Variants in CRIPTO observed in about 807,000 individuals in gnomAD.
CRIPTO encodes the protein cripto, EGF-CFC family member.
chr3:46,581,454 C>T, the CRIPTO span: 3 of 613,664 alleles, frequency 4.9e-6, no homozygotes, highest in Admixed American at 8.5e-5. Context: ...CAAAAAACTA[C>T]TTCTTTTTTC....
the CRIPTO span, chr3:46,579,879 C>A: frequency 6.2e-7 from 1 of 1,614,036 alleles, no homozygotes; most frequent in Non-Finnish European, 8.5e-7. Flanking sequence ...GGGCGGGGAG[C>A]CGTGGAGAGG....
At chr3:46,578,744 C>T in the CRIPTO span, among the ~76,000 whole-genome samples, 8 of 152,124 alleles carry the variant, frequency 5.3e-5, no homozygotes, top group African/African-American at 1.9e-4. Flanking sequence ...TAAAATGATT[C>T]ATCGGTAACA....
chr3:46,579,647 A>C, the CRIPTO span: 10 of 1,368,784 alleles, frequency 7.3e-6, no homozygotes, highest in East Asian at 2.1e-4. Flanking sequence ...ACTCTGATAC[A>C]ACACATTGGT....
the CRIPTO span, chr3:46,579,588 A>G: frequency 2.6e-6 from 3 of 1,154,550 alleles, no homozygotes; most frequent in Non-Finnish European, 3.9e-6. Context: ...CAGAACCACC[A>G]CTGGCCTATG....
the CRIPTO span, chr3:46,579,827 G>C: frequency 1.2e-6 from 2 of 1,614,022 alleles, no homozygotes; most frequent in East Asian, 4.5e-5. Flanking sequence ...TCTACGGACG[G>C]AACTGTGAGC....
the CRIPTO span, among the ~76,000 whole-genome samples, chr3:46,580,525 T>TC: frequency 6.6e-6 from 1 of 152,002 alleles, no homozygotes; most frequent in Non-Finnish European, 1.5e-5. Context: ...GGTAACCCCC[T>TC]CCCCATACCT....
At chr3:46,579,734 T>C in the CRIPTO span, 2 of 1,611,900 alleles carry the variant, frequency 1.2e-6, no homozygotes, top group Non-Finnish European at 1.7e-6. Context: ...GTTCTTACCT[T>C]TCAGGTAAGG....
chr3:46,578,808 A>C, the CRIPTO span, among the ~76,000 whole-genome samples: 5 of 152,180 alleles, frequency 3.3e-5, no homozygotes, highest in African/African-American at 1.2e-4. Flanking sequence ...AGGGGAAAAC[A>C]TGTGAAATAG....
At chr3:46,581,198 C>T in the CRIPTO span, 1 of 1,614,208 alleles carries the variant, frequency 6.2e-7, no homozygotes, top group Non-Finnish European at 8.5e-7. Context: ...TCTGCACGTA[C>T]TACCACTTTT....
the CRIPTO span, chr3:46,579,029 G>T: frequency 6.4e-7 from 1 of 1,557,014 alleles, no homozygotes; most frequent in Admixed American, 1.7e-5. Flanking sequence ...GAGAGGACCT[G>T]GGTGTTAACT....
the CRIPTO span, chr3:46,579,269 A>G: frequency 6.2e-6 from 10 of 1,613,934 alleles, no homozygotes; most frequent in African/African-American, 1.3e-4. Flanking sequence ...CATCTCGGGG[A>G]TACCTGGCCT....
the CRIPTO span, chr3:46,580,110 C>T: frequency 2.5e-6 from 4 of 1,613,358 alleles, no homozygotes; most frequent in Non-Finnish European, 3.4e-6. Context: ...TACGTAGTTG[C>T]CTTGGGGGGT....
chr3:46,577,757 A>G, the CRIPTO span: 8 of 606,166 alleles, frequency 1.3e-5, no homozygotes, highest in African/African-American at 1.1e-4. Flanking sequence ...CTCCAGCTCA[A>G]GGTCAAAACG....
At chr3:46,581,093 A>C in the CRIPTO span, 3 of 1,468,380 alleles carry the variant, frequency 2.0e-6, no homozygotes, top group South Asian at 3.4e-5. Flanking sequence ...GAACTGCCAG[A>C]GAGGTTTGCT....
chr3:46,579,600 A>T, the CRIPTO span: 1 of 1,213,050 alleles, frequency 8.2e-7, no homozygotes, highest in Non-Finnish European at 1.2e-6. Context: ...TGGCCTATGC[A>T]TGAAAATGAC....
the CRIPTO span, among the ~76,000 whole-genome samples, chr3:46,576,456 G>A: frequency 7.4e-6 from 1 of 134,632 alleles, no homozygotes; most frequent in African/African-American, 2.9e-5. Flanking sequence ...ACTCCAGCCC[G>A]GGTAACAGAG....
the CRIPTO span, among the ~76,000 whole-genome samples, chr3:46,575,400 C>G: frequency 6.6e-6 from 1 of 152,272 alleles, no homozygotes; most frequent in Admixed American, 6.5e-5. Flanking sequence ...CTTCCCTTCC[C>G]CTTCTCCCCA....
chr3:46,581,096 G>C, the CRIPTO span: 5 of 1,493,898 alleles, frequency 3.3e-6, no homozygotes, highest in African/African-American at 6.9e-5. Context: ...CTGCCAGAGA[G>C]GTTTGCTTTA....
At chr3:46,579,148 G>C in the CRIPTO span, 2 of 1,614,148 alleles carry the variant, frequency 1.2e-6, no homozygotes, top group Non-Finnish European at 1.7e-6. Context: ...TTAGTTGCCG[G>C]TGAGAGACCT....
Sources: allele counts gnomAD v4.1 joint callset (sites outside exome capture counted in the v4.1 genomes callset), GRCh38; gene constraint gnomAD v4.1.1; transcripts MANE v1.5; gene names NCBI Gene and HGNC (gene_info 2026-07-23, HGNC 2026-07-21).